The following NAALADL2 variants were observed in gnomAD, a reference collection of about 807,000 sequenced individuals.
The protein encoded by NAALADL2 is N-acetylated alpha-linked acidic dipeptidase like 2, also known as inactive N-acetylated-alpha-linked acidic dipeptidase-like protein 2.
In NAALADL2, 76 loss-of-function variants were observed where a neutral mutation model predicts 87.2. The observed-to-expected ratio is 0.87, with a 90% CI of 0.72 to 1.05. The LOEUF (loss-of-function observed/expected upper bound fraction) is 1.05, where lower values mean the gene tolerates loss of function less well. NAALADL2 is among the 50% of genes least tolerant of loss of function. The pLI, the probability that NAALADL2 is intolerant of heterozygous loss-of-function variation, is 0.00. For synonymous variants in NAALADL2, 354 were observed against 331.0 expected (o/e 1.07, Z -0.75); for missense variants, 1,089 against 945.8 (o/e 1.15, Z -1.99).
At position 175,238,322 on chromosome 3, in the gene NAALADL2, A is replaced by G. The variant is rs574133620; in HGVS notation, c.819+4118A>G. On this transcript the variant is annotated intron_variant, in intron 3 of 13. Coordinates refer to ENST00000454872, the MANE Select transcript of NAALADL2 (RefSeq NM_207015.3). ...TTTTAAAATGCAGCTGTTAAAAGGG[A>G]GAAAATAAAGTTAACTGTAGATGTA... 1.8e-4 allele frequency among the ~76,000 whole-genome samples: 27 copies of G among 152,250 alleles called. No homozygotes were observed. In the South Asian group the frequency reaches 5.6e-3, roughly 32 times the overall value.
chr3:175,209,715 A>G (rs549256181), intron 2 of NAALADL2, among the ~76,000 whole-genome samples: 1 of 151,802 alleles, frequency 6.6e-6, no homozygotes, highest in South Asian at 2.1e-4. Flanking sequence ...GGATATATAT[A>G]TATATACTTG....
chr3:174,689,757 G>C (rs1276354100), intron 2 of NAALADL2, among the ~76,000 whole-genome samples: 1 of 152,046 alleles, frequency 6.6e-6, no homozygotes, highest in Non-Finnish European at 1.5e-5. Flanking sequence ...TTCAATTGGT[G>C]GGTGTTGAAT....
At chr3:175,786,806 A>G (rs1386524150) in intron 13 of NAALADL2, among the ~76,000 whole-genome samples, 2 of 151,872 alleles carry the variant, frequency 1.3e-5, no homozygotes, top group East Asian at 3.9e-4. Flanking sequence ...TAGAGTTTCC[A>G]GTTTTTCTGT....
chr3:175,244,302 G>A (rs554550103), intron 3 of NAALADL2, among the ~76,000 whole-genome samples: 3 of 152,120 alleles, frequency 2.0e-5, no homozygotes, highest in African/African-American at 7.2e-5. Context: ...ATGGAGTAAG[G>A]CTAACCTCTT....
At chr3:174,932,874 T>C (rs1393735647) in intron 1 of NAALADL2, among the ~76,000 whole-genome samples, 2 of 152,100 alleles carry the variant, frequency 1.3e-5, no homozygotes, top group African/African-American at 4.8e-5. Flanking sequence ...TCCCACCACT[T>C]TGGGAGGCTG....
intron 1 of NAALADL2, among the ~76,000 whole-genome samples, chr3:174,965,366 C>A (rs1268773963): frequency 1.3e-5 from 2 of 150,762 alleles, no homozygotes; most frequent in African/African-American, 5.0e-5. Context: ...TACATACTGT[C>A]ACTTCTGTCC....
In NAALADL2 at chr3:175,645,306, G is replaced by T. The variant is rs539411416; in HGVS notation, c.1896+17920G>T. Among the ~76,000 whole-genome samples, 13 of 152,114 alleles carry T rather than the reference G, an allele frequency of 8.5e-5. No homozygotes were observed. In the East Asian group the frequency reaches 2.5e-3, roughly 29 times the overall value. On this transcript the variant is annotated intron_variant, in intron 11 of 13. Coordinates refer to ENST00000454872, the MANE Select transcript of NAALADL2 (RefSeq NM_207015.3). ...TTTACTAAACACATTCTAAGTGCTG[G>T]ACACAACATTGGTTGAAGATAATAT...
intron 2 of NAALADL2, among the ~76,000 whole-genome samples, chr3:174,611,003 A>C (rs1198314883): frequency 6.6e-6 from 1 of 152,184 alleles, no homozygotes; most frequent in Non-Finnish European, 1.5e-5. Flanking sequence ...GGATGAGTTC[A>C]TGTCCTTTGT....
chr3:175,473,394 A>AT (rs11456346), intron 9 of NAALADL2, among the ~76,000 whole-genome samples: 100,926 of 151,104 alleles, frequency 0.67, 35,229 homozygotes, highest in East Asian at 0.84. Context: ...TATAGAAAAT[A>AT]TTTTTTTTCT....
chr3:175,102,995 G>T (rs1222851764), intron 2 of NAALADL2, among the ~76,000 whole-genome samples: 2 of 151,700 alleles, frequency 1.3e-5, no homozygotes, highest in Non-Finnish European at 2.9e-5. Context: ...TGTAGTCCCA[G>T]CCACTTGGGA....
At chr3:174,525,453 G>A (rs148492769) in intron 1 of NAALADL2, among the ~76,000 whole-genome samples, 299 of 152,264 alleles carry the variant, frequency 2.0e-3, no homozygotes, top group South Asian at 0.016. Flanking sequence ...TCTCAGACTT[G>A]TAAACAACCA....
In NAALADL2 at chr3:175,385,807, G is replaced by C. The variant is rs374756091; in HGVS notation, c.1091-61422G>C. 1.6e-4 allele frequency among the ~76,000 whole-genome samples: 25 copies of C among 151,966 alleles called. 2 individuals carry two copies. Among genetic ancestry groups the C allele is most frequent in the African/African-American group, 4.6e-4 (19 of 41,454 alleles). On this transcript the variant is annotated intron_variant, in intron 5 of 13. Coordinates refer to ENST00000454872, the MANE Select transcript of NAALADL2 (RefSeq NM_207015.3). ...TAAAAAATCCAAAAACAGATGAACA[G>C]AAGAAAAGTTATATAAAGTTATTAC...
At chr3:175,282,572 T>C (rs972934170) in intron 4 of NAALADL2, among the ~76,000 whole-genome samples, 2 of 152,084 alleles carry the variant, frequency 1.3e-5, no homozygotes, top group Non-Finnish European at 2.9e-5. Context: ...AATTCTCACC[T>C]ATCTACCTGT....
intron 6 of NAALADL2, among the ~76,000 whole-genome samples, chr3:175,447,717 T>C (rs1431696972): frequency 6.6e-6 from 1 of 152,208 alleles, no homozygotes; most frequent in African/African-American, 2.4e-5. Flanking sequence ...CAAGATTCAG[T>C]GGATAGCAGG....
intron 5 of NAALADL2, among the ~76,000 whole-genome samples, chr3:175,443,457 A>AG (rs1720158698): frequency 6.6e-6 from 1 of 152,212 alleles, no homozygotes; most frequent in African/African-American, 2.4e-5. Context: ...ACTTAATTTT[A>AG]GGGCAAGGAT....
At chr3:174,516,828 A>G (rs1157964801) in intron 1 of NAALADL2, among the ~76,000 whole-genome samples, 1 of 152,010 alleles carries the variant, frequency 6.6e-6, no homozygotes, top group Non-Finnish European at 1.5e-5. Flanking sequence ...TAAATGGTAA[A>G]AAAATCACAC....
chr3:175,540,315 A>C (rs1712083767), intron 9 of NAALADL2, among the ~76,000 whole-genome samples: 1 of 152,168 alleles, frequency 6.6e-6, no homozygotes, highest in Non-Finnish European at 1.5e-5. Context: ...AGGGAAGAGA[A>C]AATGAAGTGC....
intron 5 of NAALADL2, among the ~76,000 whole-genome samples, chr3:175,398,653 T>G (rs1291669802): frequency 6.6e-6 from 1 of 152,076 alleles, no homozygotes; most frequent in Middle Eastern, 3.2e-3. Flanking sequence ...CAAACTAGCC[T>G]CCAGGAAGAT....
chr3:175,751,411 A>G (rs1208287653), intron 12 of NAALADL2, among the ~76,000 whole-genome samples: 4 of 152,098 alleles, frequency 2.6e-5, no homozygotes, highest in African/African-American at 7.2e-5. Flanking sequence ...TCTGAGAAAA[A>G]AAAAGTCAGT....
Sources: allele counts gnomAD v4.1 joint callset (sites outside exome capture counted in the v4.1 genomes callset), GRCh38; gene constraint gnomAD v4.1.1; transcripts MANE v1.5; gene names NCBI Gene and HGNC (gene_info 2026-07-23, HGNC 2026-07-21).